The following CERS2 variants were observed in gnomAD, a reference collection of about 807,000 sequenced individuals.
CERS2 encodes the protein ceramide synthase 2.
Under a neutral mutation model 56.6 loss-of-function variants are expected in CERS2, and 20 were observed. The observed-to-expected ratio is 0.35, with a 90% CI of 0.25 to 0.51. The LOEUF (loss-of-function observed/expected upper bound fraction) is 0.51. CERS2 is among the 20% of genes least tolerant of loss of function. The pLI is 0.96. For synonymous variants in CERS2, 187 were observed against 175.4 expected (o/e 1.07, Z -0.52); for missense variants, 361 against 488.6 (o/e 0.74, Z 2.46).
chr1:150,970,350 A>G (rs752099102), intron 1 of CERS2, among the ~76,000 whole-genome samples: 7 of 152,036 alleles, frequency 4.6e-5, no homozygotes, highest in Non-Finnish European at 8.8e-5. Flanking sequence ...ATGCCAAGCC[A>G]TCTAGTCCCT....
chr1:150,967,592 T>C, intron 6 of CERS2, 72 bp downstream of exon 6: 3 of 1,475,446 alleles, frequency 2.0e-6, no homozygotes, highest in Non-Finnish European at 2.8e-6. Flanking sequence ...CCCTCTGCCA[T>C]GGATTCCACA....
At chr1:150,970,005 A>T (rs587683393) in intron 1 of CERS2, among the ~76,000 whole-genome samples, 5 of 152,282 alleles carry the variant, frequency 3.3e-5, no homozygotes, top group African/African-American at 9.6e-5. Flanking sequence ...AGGCAGGCTG[A>T]TCACTTGAGC....
At chr1:150,966,392 GT>G in intron 10 of CERS2, 83 bp downstream of exon 10, 1 of 1,599,714 alleles carries the variant, frequency 6.3e-7, no homozygotes, top group Admixed American at 1.7e-5. Flanking sequence ...CTCCACACTA[GT>G]TTTTTAGAGA....
Position 150,966,234 on chromosome 1 carries a change from C to T in CERS2, c.1057G>A (p.Glu353Lys). 6.2e-7 allele frequency: 1 copy of T among 1,609,140 alleles called. No individual in the cohort carries two copies. The change falls in exon 11 of 11, where the codon GAG becomes AAG. Residue 353 changes from glutamate (E) to lysine (K), a missense_variant. Glu to Lys is a moderately conservative substitution (Grantham distance 56, BLOSUM62 1). Transcript: ENST00000368954. Reference sequence around the variant, plus strand: ...TTTGCTCCTCCCCCAGCTGCAGCCTCCTCCCCCTCTGAGCTCTCTGTTTCT... The same window carrying T: ...TTTGCTCCTCCCCCAGCTGCAGCCTTCTCCCCCTCTGAGCTCTCTGTTTCT... ...REETESSEGE[E>K]AAAGGGAKSR...
chr1:150,974,161 C>G (rs587637746), intron 1 of CERS2, among the ~76,000 whole-genome samples: 2 of 152,280 alleles, frequency 1.3e-5, no homozygotes, highest in South Asian at 4.1e-4. Context: ...CCCACCCAAG[C>G]CACAGGACGC....
At chr1:150,968,629 A>G in intron 2 of CERS2, 117 bp from the exon 3 acceptor site, 1 of 873,460 alleles carries the variant, frequency 1.1e-6, no homozygotes, top group Admixed American at 1.9e-5. Flanking sequence ...CCTTTTCTCT[A>G]GCCTCCAGGG....
Position 150,966,248 on chromosome 1 carries a change from C to A in CERS2, c.1043G>T (p.Ser348Ile). The A allele has an allele frequency of 6.2e-7, 1 of 1,610,850 alleles. No individual in the cohort carries two copies. The highest frequency in any genetic ancestry group is 1.1e-5 in the South Asian group (1 of 90,596). Residue 348 changes from serine to isoleucine, a missense_variant, in exon 11 of 11, where the codon AGC (serine) becomes ATC (isoleucine). By Grantham distance (142) the Ser-to-Ile change is moderately radical (BLOSUM62 -2). Coordinates refer to ENST00000368954, the MANE Select transcript of CERS2 (RefSeq NM_022075.5). ...DERSDREETE[S>I]SEGEEAAAGG... is the part of the protein sequence containing the mutation. ...AGCTGCAGCCTCCTCCCCCTCTGAGCTCTCTGTTTCTTCCCGGTCACTGCG... is the reference window on the plus strand; with the variant it reads ...AGCTGCAGCCTCCTCCCCCTCTGAGATCTCTGTTTCTTCCCGGTCACTGCG...
intron 1 of CERS2, among the ~76,000 whole-genome samples, chr1:150,972,165 C>A (rs1671197526): frequency 6.6e-6 from 1 of 152,192 alleles, no homozygotes; most frequent in Non-Finnish European, 1.5e-5. Flanking sequence ...TAGCGCCTGT[C>A]CTCTTCCACT....
chr1:150,967,640 C>G (rs779805039), intron 6 of CERS2, 24 bp downstream of exon 6: 6 of 1,601,940 alleles, frequency 3.7e-6, no homozygotes, highest in South Asian at 1.1e-5. Flanking sequence ...AGTCCACCCC[C>G]ACATGAGGAA....
In CERS2 at chr1:150,965,398, T is replaced by A. The variant is rs1670973837; in HGVS notation, c.*750A>T. The A allele has an allele frequency of 6.6e-6, 1 of 152,468 alleles. No homozygotes were observed. Among genetic ancestry groups the A allele is most frequent in the Admixed American group, 6.6e-5 (1 of 15,256 alleles). The allele number at this position is 152,468 out of a possible 1,614,324, so 9.4% of individuals were successfully genotyped here. A position where few individuals can be genotyped will look rare whatever the true frequency, so the allele number is the denominator to read the frequency against. On this transcript the variant is annotated 3_prime_UTR_variant, in exon 11 of 11. Coordinates refer to ENST00000368954, the MANE Select transcript of CERS2 (RefSeq NM_022075.5). The stretch of plus-strand genomic sequence containing the variant: ...GCTTTAAAACCAAAACCCCAAATAT[T>A]TAATAAATAAAAATTAGAATTAGTT...
At chr1:150,971,499 G>A (rs587738977) in intron 1 of CERS2, among the ~76,000 whole-genome samples, 5 of 151,956 alleles carry the variant, frequency 3.3e-5, no homozygotes, top group Admixed American at 3.3e-4. Context: ...TGCCAGTAAA[G>A]GAGCTTCAGC....
intron 1 of CERS2, among the ~76,000 whole-genome samples, chr1:150,972,185 G>C (rs748253117): frequency 6.6e-6 from 1 of 152,192 alleles, no homozygotes; most frequent in Admixed American, 6.5e-5. Context: ...TCCAAGCAGG[G>C]AGAGTGGAAG....
At chr1:150,966,979 CA>C in intron 8 of CERS2, 94 bp downstream of exon 8, 1 of 1,515,126 alleles carries the variant, frequency 6.6e-7, no homozygotes, top group Non-Finnish European at 9.1e-7. Flanking sequence ...CCAGGAATGT[CA>C]TCCTCCAAAT....
chr1:150,966,250 CTCT>C lies in CERS2; in HGVS notation c.1038_1040del (p.Glu347del). On this transcript the variant is annotated inframe_deletion, in exon 11 of 11. Transcript: ENST00000368954. ...CTGCAGCCTCCTCCCCCTCTGAGCT[CTCT>C]GTTTCTTCCCGGTCACTGCGTTCAT... The C allele has an allele frequency of 6.2e-7, 1 of 1,610,996 alleles. No individual in the cohort carries two copies. Among genetic ancestry groups the C allele is most frequent in the South Asian group, 1.1e-5 (1 of 90,616 alleles).
In CERS2 at chr1:150,970,103, C is replaced by T. The variant is rs183742859; in HGVS notation, c.-1-1012G>A. ...ATTAGCTGGATGTGGTGGCACATGC[C>T]TGTAATCCCAGCTACTCAGGAGGCT... On this transcript the variant is annotated intron_variant, in intron 1 of 10. Transcript: ENST00000368954. Among the ~76,000 whole-genome samples the T allele has an allele frequency of 2.6e-3, 391 of 152,054 alleles. 1 individual carries two copies. Among genetic ancestry groups the T allele is most frequent in the Non-Finnish European group, 2.2e-3 (147 of 67,984 alleles).
Position 150,966,459 on chromosome 1 carries a change from TGGGAACA to T in CERS2, c.1002+10_1002+16del. 6.2e-7 allele frequency: 1 copy of T among 1,613,888 alleles called. No homozygotes were observed. The highest frequency in any genetic ancestry group is 1.7e-4 in the Middle Eastern group (1 of 6,038). ...GTAGAGAGTAGTAAGGCCTACACAATGGGAACAGGGCTTCACCTTTCCAGTTATGAAC... is the reference window on the plus strand; with the variant it reads ...GTAGAGAGTAGTAAGGCCTACACAATGGGCTTCACCTTTCCAGTTATGAAC... On this transcript the variant is annotated intron_variant, in intron 10 of 10. Transcript: ENST00000368954.
rs756219712 is a variant in CERS2, at chr1:150,967,727, G to A, written c.469-13C>T. 27 of 1,613,526 alleles carry A rather than the reference G, an allele frequency of 1.7e-5. No homozygotes were observed. In the East Asian group the frequency reaches 5.1e-4, roughly 31 times the overall value. ...AGAACCAGGGTTTCTGCAGAGAGAT[G>A]GTGAGAAGTTAAAAGAGGAGGAACC... On this transcript the variant is annotated splice_polypyrimidine_tract_variant and intron_variant, in intron 5 of 10. Transcript: ENST00000368954.
intron 1 of CERS2, among the ~76,000 whole-genome samples, chr1:150,970,154 G>C (rs995968828): frequency 6.6e-6 from 1 of 150,418 alleles, no homozygotes; most frequent in Admixed American, 6.6e-5. Flanking sequence ...CTTGAGCCTG[G>C]GAGGTGAAGG....
rs1042153516 is a variant in CERS2 at position 150,967,403 on chromosome 1, C to T, written c.601G>A (p.Val201Ile). 13 of 1,596,840 alleles carry T rather than the reference C, an allele frequency of 8.1e-6. No homozygotes were observed. In the Admixed American group the frequency reaches 1.5e-4, roughly 18 times the overall value. Reference protein sequence around the residue: ...WSLLFSIASDVKRKDFKEQII... With the variant: ...WSLLFSIASDIKRKDFKEQII... ...ACCCCTTCACCCACCTTTCGCTTGA[C>T]ATCAGAGGCAATGCTGAAGAGCAGG... Residue 201 changes from valine to isoleucine, a missense_variant, in exon 7 of 11, where the codon GTC becomes ATC. Physicochemically the swap from Val to Ile is conservative, Grantham distance 29. Around this residue, in one of 3 missense-constraint regions of CERS2, gnomAD observed 236 missense variants for 309.2 expected, o/e 0.76. Transcript: ENST00000368954.
Sources: allele counts gnomAD v4.1 joint callset (sites outside exome capture counted in the v4.1 genomes callset), GRCh38; gene constraint gnomAD v4.1.1; regional missense constraint gnomAD v4.1.1; transcripts MANE v1.5; gene names NCBI Gene and HGNC (gene_info 2026-07-23, HGNC 2026-07-21).